EYA2: variants seen among roughly 807,000 people sequenced by gnomAD.
EYA2 encodes protein phosphatase EYA2.
Under a neutral mutation model 69.2 loss-of-function variants are expected in EYA2, and 31 were observed. That is an observed-to-expected ratio of 0.45 (90% confidence interval 0.34 to 0.60). The LOEUF (loss-of-function observed/expected upper bound fraction) is 0.60, where lower values mean the gene tolerates loss of function less well. Among genes scored for constraint, EYA2 ranks in the 20% least tolerant of loss-of-function variants. EYA2 has a pLI of 0.02. For synonymous variants in EYA2, 257 were observed against 279.4 expected, an observed-to-expected ratio of 0.92 and a Z score of 0.80; for missense variants, 622 against 701.2, an observed-to-expected ratio of 0.89 and a Z score of 1.28.
At chr20:46,905,091 T>C (rs1369012616) in intron 1 of EYA2, among the ~76,000 whole-genome samples, 3 of 151,854 alleles carry the variant, frequency 2.0e-5, no homozygotes, top group Non-Finnish European at 4.4e-5. Flanking sequence ...TAAAAAAAAG[T>C]CTATTCAGGG....
chr20:46,955,010 T>C (rs1979033001), intron 1 of EYA2, among the ~76,000 whole-genome samples: 11 of 152,214 alleles, frequency 7.2e-5, no homozygotes, highest in Admixed American at 7.2e-4. Flanking sequence ...GCAGGCCTTT[T>C]CTCAGCCTGA....
At chr20:47,033,827 A>C (rs1984551000) in intron 5 of EYA2, among the ~76,000 whole-genome samples, 1 of 152,210 alleles carries the variant, frequency 6.6e-6, no homozygotes, top group African/African-American at 2.4e-5. Context: ...AGCATGAAAG[A>C]TAGATCAACT....
chr20:47,081,909 G>C (rs2031736005), intron 7 of EYA2, among the ~76,000 whole-genome samples: 1 of 151,492 alleles, frequency 6.6e-6, no homozygotes. Flanking sequence ...GTGTGACCTT[G>C]GCTCACTGCA....
chr20:47,073,324 C>G (rs906940944), intron 6 of EYA2, among the ~76,000 whole-genome samples: 4 of 152,122 alleles, frequency 2.6e-5, no homozygotes, highest in African/African-American at 9.7e-5. Flanking sequence ...TGATTGGCAG[C>G]TATTGAATTG....
chr20:46,965,006 C>T (rs1274678994), intron 1 of EYA2, among the ~76,000 whole-genome samples: 3 of 152,168 alleles, frequency 2.0e-5, no homozygotes, highest in South Asian at 2.1e-4. Flanking sequence ...TGCCACTAGA[C>T]GCCCAACTTG....
chr20:46,963,900 G>T (rs887415634), intron 1 of EYA2, among the ~76,000 whole-genome samples: 43 of 152,252 alleles, frequency 2.8e-4, no homozygotes, highest in African/African-American at 9.9e-4. Flanking sequence ...AACACGGGCT[G>T]CCAGGAGGAG....
intron 5 of EYA2, among the ~76,000 whole-genome samples, chr20:47,041,397 C>A (rs1194298997): frequency 6.6e-6 from 1 of 152,256 alleles, no homozygotes; most frequent in East Asian, 1.9e-4. Flanking sequence ...TCCCCAGAAG[C>A]AGCCCCCATC....
intron 7 of EYA2, among the ~76,000 whole-genome samples, chr20:47,080,834 G>T (rs190826401): frequency 6.6e-6 from 1 of 152,246 alleles, no homozygotes; most frequent in East Asian, 1.9e-4. Context: ...CAGATCTTGC[G>T]AGACTCGTTC....
At chr20:46,902,281 G>T (rs558275630) in intron 1 of EYA2, among the ~76,000 whole-genome samples, 2 of 133,252 alleles carry the variant, frequency 1.5e-5, no homozygotes, top group Admixed American at 1.4e-4. Flanking sequence ...TTGTTTTTAA[G>T]AAAACACAGA....
At chr20:47,013,335 G>A (rs551790884) in intron 4 of EYA2, among the ~76,000 whole-genome samples, 1 of 152,344 alleles carries the variant, frequency 6.6e-6, no homozygotes, top group African/African-American at 2.4e-5. Context: ...TTGCCTGATA[G>A]AGAAGAGGGA....
intron 1 of EYA2, among the ~76,000 whole-genome samples, chr20:46,942,052 T>C (rs574826418): frequency 6.6e-6 from 1 of 152,324 alleles, no homozygotes; most frequent in East Asian, 1.9e-4. Context: ...CCCCTGTGCC[T>C]GGCCTAGACG....
At chr20:47,012,226 G>C (rs1263154208) in intron 4 of EYA2, among the ~76,000 whole-genome samples, 2 of 152,228 alleles carry the variant, frequency 1.3e-5, no homozygotes, top group Non-Finnish European at 2.9e-5. Flanking sequence ...GGAACTTGCA[G>C]ATAGTTCACG....
intron 1 of EYA2, among the ~76,000 whole-genome samples, chr20:46,928,178 G>A (rs980828450): frequency 6.6e-6 from 1 of 152,286 alleles, no homozygotes; most frequent in South Asian, 2.1e-4. Flanking sequence ...GAACCTAGGT[G>A]GTCTGGCTCA....
At chr20:47,132,341 G>T (rs1427367273) in intron 9 of EYA2, among the ~76,000 whole-genome samples, 1 of 152,208 alleles carries the variant, frequency 6.6e-6, no homozygotes, top group Non-Finnish European at 1.5e-5. Flanking sequence ...AACTTGCAAA[G>T]GTGTTCCAAG....
At chr20:46,964,549 A>C (rs1428416032) in intron 1 of EYA2, among the ~76,000 whole-genome samples, 2 of 152,308 alleles carry the variant, frequency 1.3e-5, no homozygotes, top group African/African-American at 4.8e-5. Context: ...TGGGATGACC[A>C]CCTACTTGTC....
At chr20:47,036,268 C>G (rs891520131) in intron 5 of EYA2, among the ~76,000 whole-genome samples, 1 of 152,102 alleles carries the variant, frequency 6.6e-6, no homozygotes, top group African/African-American at 2.4e-5. Context: ...AACAGAGTGC[C>G]AGGAAATTCA....
At chr20:46,929,757 A>G in intron 1 of EYA2, among the ~76,000 whole-genome samples, 1 of 151,996 alleles carries the variant, frequency 6.6e-6, no homozygotes, top group East Asian at 1.9e-4. Flanking sequence ...CTGTAATCCT[A>G]GTGCATTGAG....
intron 1 of EYA2, among the ~76,000 whole-genome samples, chr20:46,915,621 A>T (rs1429654413): frequency 6.6e-6 from 1 of 152,104 alleles, no homozygotes; most frequent in Non-Finnish European, 1.5e-5. Flanking sequence ...TACCCTACAG[A>T]TGTGCTTTCT....
chr20:46,959,521 C>A, intron 1 of EYA2, among the ~76,000 whole-genome samples: 1 of 152,198 alleles, frequency 6.6e-6, no homozygotes, highest in East Asian at 1.9e-4. Flanking sequence ...CGCAGTGAGG[C>A]CCTGTCCCTT....
Sources: allele counts gnomAD v4.1 joint callset (sites outside exome capture counted in the v4.1 genomes callset), GRCh38; gene constraint gnomAD v4.1.1; transcripts MANE v1.5; gene names NCBI Gene and HGNC (gene_info 2026-07-23, HGNC 2026-07-21).